C9: variants seen among roughly 807,000 people sequenced by gnomAD.
The protein encoded by C9 is complement component C9.
In C9, 63 loss-of-function variants were observed where a neutral mutation model predicts 65.4. That is an observed-to-expected ratio of 0.96 (90% CI 0.79 to 1.19). The LOEUF (loss-of-function observed/expected upper bound fraction) is 1.19. Among genes scored for constraint, C9 ranks in the 50% most tolerant of loss-of-function variants. The pLI is 0.00. For synonymous variants in C9, 229 were observed against 227.9 expected (o/e 1.00, Z -0.04); for missense variants, 744 against 670.1 (o/e 1.11, Z -1.22).
At chr5:39,325,199 T>A (rs1383967109) in intron 5 of C9, among the ~76,000 whole-genome samples, 3 of 152,158 alleles carry the variant, frequency 2.0e-5, no homozygotes, top group Non-Finnish European at 4.4e-5. Flanking sequence ...CTCTCACTAA[T>A]TGAGAGAAGA....
chr5:39,300,421 A>G (rs546330447), intron 9 of C9, among the ~76,000 whole-genome samples: 5 of 152,264 alleles, frequency 3.3e-5, no homozygotes, highest in African/African-American at 1.2e-4. Context: ...TTAAAACAAA[A>G]ACAAAAAGAA....
intron 1 of C9, among the ~76,000 whole-genome samples, chr5:39,343,270 TTTCC>T (rs1754124775): frequency 6.6e-6 from 1 of 152,132 alleles, no homozygotes; most frequent in Non-Finnish European, 1.5e-5. Context: ...GGGAATTCCC[TTTCC>T]TACCAAAGGG....
intron 1 of C9, among the ~76,000 whole-genome samples, chr5:39,351,587 C>G (rs917957236): frequency 1.3e-5 from 2 of 152,208 alleles, no homozygotes; most frequent in South Asian, 4.1e-4. Flanking sequence ...TACCTTAAGT[C>G]ATCTCTCTCA....
At chr5:39,335,412 C>G (rs1017069202) in intron 4 of C9, among the ~76,000 whole-genome samples, 1 of 152,182 alleles carries the variant, frequency 6.6e-6, no homozygotes, top group African/African-American at 2.4e-5. Flanking sequence ...ACAATCAGCC[C>G]TCCATATCTG....
chr5:39,350,936 AC>A (rs1436616481), intron 1 of C9, among the ~76,000 whole-genome samples: 1 of 152,190 alleles, frequency 6.6e-6, no homozygotes. Context: ...CTTTTCCTCC[AC>A]ATTGCCCAAG....
chr5:39,294,709 A>C (rs148942922), intron 9 of C9, among the ~76,000 whole-genome samples: 2 of 151,958 alleles, frequency 1.3e-5, no homozygotes, highest in African/African-American at 4.8e-5. Flanking sequence ...TTCCTAACTC[A>C]TTTTATGAGA....
chr5:39,315,728 G>A, intron 6 of C9, 47 bp downstream of exon 6: 2 of 1,386,678 alleles, frequency 1.4e-6, no homozygotes, highest in South Asian at 1.2e-5. Flanking sequence ...AAGAGTCTGG[G>A]TAGTTTGGAA....
chr5:39,294,759 C>A (rs533441888), intron 9 of C9, among the ~76,000 whole-genome samples: 22 of 151,770 alleles, frequency 1.4e-4, no homozygotes, highest in Middle Eastern at 3.4e-3. Flanking sequence ...AAGGACACAA[C>A]ACACAAAAAA....
At chr5:39,324,295 C>T (rs114887118) in intron 5 of C9, among the ~76,000 whole-genome samples, 4,480 of 152,052 alleles carry the variant, frequency 0.029, 202 homozygotes, top group African/African-American at 0.1. Flanking sequence ...TCATTTTCCA[C>T]AGAAATAAAA....
At position 39,341,269 on chromosome 5, in the gene C9, C is replaced by T. The variant is rs758936981; in HGVS notation, c.353G>A (p.Arg118Gln). ...STGRCIKMRLRCNGDNDCGDF... is the reference protein window; with the variant it reads ...STGRCIKMRLQCNGDNDCGDF... ...TCCGCAGTCATTGTCACCATTACAC[C>T]GAAGTCGCATCTTTATGCATCTGCC... Residue 118 changes from arginine (R) to glutamine (Q), a missense_variant, in exon 4 of 11, where the codon CGG (arginine) becomes CAG (glutamine). By Grantham distance (43) the Arg-to-Gln change is conservative. Transcript: ENST00000263408. 15 of 1,614,122 alleles carry T rather than the reference C, an allele frequency of 9.3e-6. No homozygotes were observed. In the East Asian group the frequency reaches 1.3e-4, roughly 14 times the overall value.
chr5:39,336,353 C>A (rs1234391524), intron 4 of C9, among the ~76,000 whole-genome samples: 1 of 151,912 alleles, frequency 6.6e-6, no homozygotes. Context: ...AGAATTTTAA[C>A]CTAATGTAAT....
chr5:39,359,006 A>C (rs1307525165), intron 1 of C9, among the ~76,000 whole-genome samples: 5 of 54,916 alleles, frequency 9.1e-5, no homozygotes, highest in South Asian at 7.7e-4. Context: ...TAAATAAATA[A>C]ATAAATAAAA....
At chr5:39,340,981 T>C (rs568841967) in intron 4 of C9, 165 bp downstream of exon 4, 2 of 781,538 alleles carry the variant, frequency 2.6e-6, no homozygotes, top group Non-Finnish European at 4.3e-6. Context: ...GAGATGCTTA[T>C]TTAGCACTTC....
intron 1 of C9, among the ~76,000 whole-genome samples, chr5:39,353,799 T>C (rs1754366502): frequency 6.6e-6 from 1 of 152,224 alleles, no homozygotes. Flanking sequence ...TTGGGGACTT[T>C]CCTGTTTTGT....
chr5:39,349,469 T>C (rs1754278131), intron 1 of C9, among the ~76,000 whole-genome samples: 2 of 152,242 alleles, frequency 1.3e-5, no homozygotes, highest in South Asian at 4.1e-4. Flanking sequence ...GAATAAATGC[T>C]GGAAGCACAT....
In C9 at chr5:39,342,212, A is replaced by G; in HGVS notation, c.78-16T>C. The G allele has an allele frequency of 7.7e-7, 1 of 1,292,648 alleles. No homozygotes were observed. 80.1% of individuals were successfully genotyped at this position (1,292,648 alleles called of 1,614,324 possible). On this transcript the variant is annotated splice_polypyrimidine_tract_variant and intron_variant, in intron 1 of 10. Coordinates refer to ENST00000263408, the MANE Select transcript of C9 (RefSeq NM_001737.5). ...TGGGTCATAACTAAGATAACAGAAC[A>G]TCCCAGTTTATAATGACCATTGTGT... is the stretch of plus-strand genomic sequence containing the variant.
At chr5:39,292,214 T>C (rs967761749) in intron 9 of C9, among the ~76,000 whole-genome samples, 2 of 151,442 alleles carry the variant, frequency 1.3e-5, no homozygotes, top group Non-Finnish European at 2.9e-5. Flanking sequence ...TTCAAGGCGA[T>C]GACAACAAAG....
intron 9 of C9, among the ~76,000 whole-genome samples, chr5:39,304,902 C>T (rs540906866): frequency 9.9e-5 from 15 of 152,258 alleles, no homozygotes; most frequent in African/African-American, 3.6e-4. Context: ...AGTAGTAAAT[C>T]TTCAGCAGCT....
chr5:39,300,819 T>C (rs1312572163), intron 9 of C9, among the ~76,000 whole-genome samples: 5 of 152,164 alleles, frequency 3.3e-5, no homozygotes, highest in Admixed American at 2.6e-4. Context: ...ATACCATGTA[T>C]AGAAAGACAG....
Sources: allele counts gnomAD v4.1 joint callset (sites outside exome capture counted in the v4.1 genomes callset), GRCh38; gene constraint gnomAD v4.1.1; transcripts MANE v1.5; gene names NCBI Gene and HGNC (gene_info 2026-07-23, HGNC 2026-07-21).